Variants in EFNB2 observed in about 807,000 individuals in gnomAD.
EFNB2 encodes the protein ephrin B2.
EFNB2 carries 5 observed loss-of-function variants against 32.1 expected under a neutral mutation model. The observed-to-expected ratio is 0.16, with a 90% CI of 0.08 to 0.33. EFNB2 has a LOEUF of 0.33. Among genes scored for constraint, EFNB2 ranks in the 10% least tolerant of loss-of-function variants. The probability of loss-of-function intolerance (pLI) is 1.00; values close to 1 mark genes in which losing one functional copy is unlikely to be tolerated. For missense variants in EFNB2, 263 were observed against 422.6 expected (o/e 0.62, Z 3.31); for synonymous variants, 168 against 166.5 (o/e 1.01, Z -0.07).
intron 1 of EFNB2, among the ~76,000 whole-genome samples, chr13:106,521,958 A>G (rs1302053242): frequency 6.6e-6 from 1 of 152,102 alleles, no homozygotes; most frequent in African/African-American, 2.4e-5. Flanking sequence ...TTGTCTTTTC[A>G]AAAGTTGAGA....
intron 1 of EFNB2, among the ~76,000 whole-genome samples, chr13:106,521,997 G>A (rs1879537229): frequency 6.6e-6 from 1 of 150,744 alleles, no homozygotes; most frequent in Non-Finnish European, 1.5e-5. Flanking sequence ...TGAAATTAAA[G>A]ACAAAACTCA....
chr13:106,523,859 G>A (rs566894167), intron 1 of EFNB2, among the ~76,000 whole-genome samples: 25 of 152,152 alleles, frequency 1.6e-4, no homozygotes, highest in Non-Finnish European at 2.9e-4. Context: ...GCATTTAATT[G>A]TGACTAGACT....
chr13:106,520,052 CA>C (rs1879449080), intron 1 of EFNB2: 1 of 152,078 alleles, frequency 6.6e-6, no homozygotes, highest in African/African-American at 2.4e-5. Flanking sequence ...GGAATATATA[CA>C]ATTTATGCTT....
At chr13:106,515,555 T>G (rs1879285025) in intron 1 of EFNB2, among the ~76,000 whole-genome samples, 1 of 152,234 alleles carries the variant, frequency 6.6e-6, no homozygotes, top group Non-Finnish European at 1.5e-5. Context: ...GATCCTCGGC[T>G]CTTCAAAAGT....
At chr13:106,503,254 T>C (rs1847074903) in intron 2 of EFNB2, among the ~76,000 whole-genome samples, 1 of 151,496 alleles carries the variant, frequency 6.6e-6, no homozygotes, top group South Asian at 2.1e-4. Context: ...AAATTTAACA[T>C]AATTTCAAAA....
chr13:106,524,883 T>C (rs901893927), intron 1 of EFNB2, among the ~76,000 whole-genome samples: 1 of 152,226 alleles, frequency 6.6e-6, no homozygotes, highest in African/African-American at 2.4e-5. Flanking sequence ...GTGTTTCATG[T>C]AGCAGAAAGT....
chr13:106,532,079 C>CAAAAAAAAA (rs1404488142), intron 1 of EFNB2, among the ~76,000 whole-genome samples: 1 of 41,858 alleles, frequency 2.4e-5, no homozygotes, highest in African/African-American at 6.3e-5. Flanking sequence ...AAAAAAAAAC[C>CAAAAAAAAA]AAAACTTTAA....
chr13:106,521,752 A>G (rs1879527367), intron 1 of EFNB2: 1 of 147,726 alleles, frequency 6.8e-6, no homozygotes, highest in South Asian at 2.1e-4. Context: ...GTATTCTCAT[A>G]GTTTAAGCTT....
intron 1 of EFNB2, among the ~76,000 whole-genome samples, chr13:106,526,656 T>C (rs905868115): frequency 6.6e-6 from 1 of 152,120 alleles, no homozygotes; most frequent in Non-Finnish European, 1.5e-5. Context: ...ATAGTTCTGG[T>C]AGATAAGTAA....
chr13:106,494,333 C>T (rs574424157), intron 4 of EFNB2, among the ~76,000 whole-genome samples: 6 of 152,170 alleles, frequency 3.9e-5, no homozygotes, highest in African/African-American at 1.4e-4. Flanking sequence ...CGAAGGTCAA[C>T]GACGGACAAT....
chr13:106,511,364 C>G (rs1036268242), intron 2 of EFNB2, among the ~76,000 whole-genome samples: 9 of 152,118 alleles, frequency 5.9e-5, no homozygotes, highest in African/African-American at 9.7e-5. Context: ...TGCCTGTAGT[C>G]CGAGCTACTT....
intron 1 of EFNB2, among the ~76,000 whole-genome samples, chr13:106,523,325 T>C (rs997047933): frequency 5.3e-5 from 8 of 152,274 alleles, no homozygotes; most frequent in Admixed American, 2.0e-4. Context: ...AGCGCTCCAC[T>C]GTAACTTTGA....
chr13:106,528,956 T>C (rs1321924934), intron 1 of EFNB2, among the ~76,000 whole-genome samples: 3 of 152,200 alleles, frequency 2.0e-5, no homozygotes, highest in Non-Finnish European at 4.4e-5. Context: ...CATTTACGAG[T>C]AAAATTACAT....
chr13:106,512,612 A>G lies in EFNB2; in HGVS notation c.323T>C (p.Ile108Thr), dbSNP rs1355102999. The stretch of plus-strand genomic sequence containing the variant: ...TTCTTGAAACTTGATGGTGAATTTG[A>G]TATCTTGGTCTGGTTTGGCACAGTT... Reference protein sequence around the residue: ...LLNCAKPDQDIKFTIKFQEFS... With the variant: ...LLNCAKPDQDTKFTIKFQEFS... The change falls in exon 2 of 5, where the codon ATC becomes ACC. Residue 108 changes from isoleucine to threonine, a missense_variant. Around this residue, in one of 3 missense-constraint regions of EFNB2, gnomAD observed 45 missense variants for 128.6 expected, o/e 0.35. Transcript: ENST00000646441. 4 of 1,613,882 alleles carry G rather than the reference A, an allele frequency of 2.5e-6. No individual in the cohort carries two copies. The highest frequency in any genetic ancestry group is 2.2e-5 in the East Asian group (1 of 44,844).
intron 2 of EFNB2, among the ~76,000 whole-genome samples, chr13:106,507,834 T>TA (rs1401278734): frequency 2.0e-5 from 3 of 152,184 alleles, no homozygotes; most frequent in African/African-American, 7.2e-5. Context: ...AAAGATGACT[T>TA]ACGGACTATG....
At chr13:106,516,981 TATAATC>T (rs1259504260) in intron 1 of EFNB2, 1 of 152,226 alleles carries the variant, frequency 6.6e-6, no homozygotes, top group Non-Finnish European at 1.5e-5. Context: ...TTCCATATGT[TATAATC>T]AAGTCAGTAA....
chr13:106,533,196 C>A lies in EFNB2; in HGVS notation c.122+1647G>T, dbSNP rs115833993. Among the ~76,000 whole-genome samples the A allele has an allele frequency of 5.5e-3, 838 of 151,340 alleles. 6 individuals are homozygous for A. The highest frequency in any genetic ancestry group is 0.018 in the African/African-American group (760 of 41,322). On this transcript the variant is annotated intron_variant, in intron 1 of 4. Transcript: ENST00000646441. Reference sequence around the variant, plus strand: ...GGGAGGGGCGAGGCCTGGCGCTGCGCGATTCCGCATGGAAGAGTGACCTCT... The same window carrying A: ...GGGAGGGGCGAGGCCTGGCGCTGCGAGATTCCGCATGGAAGAGTGACCTCT...
intron 1 of EFNB2, among the ~76,000 whole-genome samples, chr13:106,523,339 C>T (rs143913811): frequency 3.2e-4 from 48 of 152,254 alleles, no homozygotes; most frequent in African/African-American, 9.9e-4. Context: ...ACTTTGAGGA[C>T]GACCCATTTA....
chr13:106,501,867 C>G (rs994130710), intron 2 of EFNB2, among the ~76,000 whole-genome samples: 2 of 152,198 alleles, frequency 1.3e-5, no homozygotes, highest in African/African-American at 4.8e-5. Context: ...GCTAGGATTA[C>G]AGGCGTGAGC....
Sources: gnomAD v4.1 joint callset for allele counts (sites outside exome capture counted in the v4.1 genomes callset) on GRCh38, gnomAD v4.1.1 for gene constraint, gnomAD v4.1.1 regional missense constraint, MANE v1.5 for transcripts, NCBI Gene and HGNC (gene_info 2026-07-23, HGNC 2026-07-21) for gene names.